RBM19: variants seen among roughly 807,000 people sequenced by gnomAD.
The protein encoded by RBM19 is probable RNA-binding protein 19.
Under a neutral mutation model 116.8 loss-of-function variants are expected in RBM19, and 94 were observed. That is an observed-to-expected ratio of 0.80 (90% CI 0.68 to 0.95). The LOEUF is 0.95. Ranked by LOEUF, RBM19 falls within the 40% of genes least tolerant of loss-of-function variation. The pLI is 0.00. For missense variants in RBM19, 1,161 were observed against 1,220.7 expected (o/e 0.95, Z 0.73); for synonymous variants, 475 against 494.1 (o/e 0.96, Z 0.51).
rs373473247 is a variant in RBM19, at chr12:113,946,460, C to A, written c.1423G>T (p.Val475Leu). The change falls in exon 12 of 24, where the codon GTG (valine) becomes TTG (leucine). Residue 475 changes from valine (V) to leucine (L), a missense_variant. Physicochemically the swap from Val to Leu is conservative, Grantham distance 32. Transcript: ENST00000261741. ...TCCTTCTTGATGGTAGATGGTAACA[C>A]GTGGAGCATCCTGCCCTGGATGGGA... ...GQVFQGRMLH[V>L]LPSTIKKEAS... 4.6e-5 allele frequency: 74 copies of A among 1,614,156 alleles called. No homozygotes were observed. The South Asian group carries it at 7.2e-4, about 16-fold the overall frequency.
At chr12:113,848,770 G>A (rs567184604) in intron 22 of RBM19, among the ~76,000 whole-genome samples, 1 of 152,226 alleles carries the variant, frequency 6.6e-6, no homozygotes, top group Admixed American at 6.5e-5. Flanking sequence ...CTCAGCTGCG[G>A]GCAAGATGCT....
In RBM19 at chr12:113,962,419, G is replaced by T. The variant is rs1872586188; in HGVS notation, c.37-5C>A. 1.2e-6 allele frequency: 2 copies of T among 1,611,888 alleles called. No homozygotes were observed. The highest frequency in any genetic ancestry group is 1.1e-5 in the South Asian group (1 of 91,030). On this transcript the variant is annotated splice_polypyrimidine_tract_variant and splice_region_variant and intron_variant, in intron 1 of 23. Transcript: ENST00000261741. ...CCTGAAACGCTCCTCCTTCATCTAG[G>T]ACAGAGGGAAAGGAATGAGAGACGA...
chr12:113,865,993 G>T (rs1878777177), intron 21 of RBM19, among the ~76,000 whole-genome samples: 1 of 152,194 alleles, frequency 6.6e-6, no homozygotes, highest in Admixed American at 6.5e-5. Context: ...TTTCAGCATG[G>T]TTTGCCCTGC....
At chr12:113,924,125 T>A (rs1868845627) in intron 18 of RBM19, among the ~76,000 whole-genome samples, 1 of 152,164 alleles carries the variant, frequency 6.6e-6, no homozygotes, top group African/African-American at 2.4e-5. Flanking sequence ...GCCAGGAGAC[T>A]CAGAATAGCA....
chr12:113,922,536 G>A (rs551909521), intron 18 of RBM19, among the ~76,000 whole-genome samples: 40 of 152,272 alleles, frequency 2.6e-4, no homozygotes, highest in African/African-American at 8.9e-4. Flanking sequence ...CGCAGTGAGA[G>A]GCAGGGACAG....
chr12:113,962,141 G>C (rs1028325993), intron 2 of RBM19, 91 bp downstream of exon 2: 54 of 1,447,078 alleles, frequency 3.7e-5, no homozygotes, highest in Non-Finnish European at 4.9e-5. Context: ...ACAAAGTGAA[G>C]AGGGACGGTC....
intron 7 of RBM19, among the ~76,000 whole-genome samples, chr12:113,954,066 T>C (rs1346790417): frequency 6.6e-6 from 1 of 152,174 alleles, no homozygotes; most frequent in African/African-American, 2.4e-5. Flanking sequence ...TTACCCTGAG[T>C]AAGGAAGAGC....
intron 23 of RBM19, among the ~76,000 whole-genome samples, chr12:113,827,360 T>C (rs904449559): frequency 3.3e-5 from 5 of 151,432 alleles, no homozygotes; most frequent in African/African-American, 1.2e-4. Context: ...CCAACCACCA[T>C]TTTTGCATTT....
intron 20 of RBM19, among the ~76,000 whole-genome samples, 194 bp downstream of exon 20, chr12:113,918,198 G>A (rs1368369412): frequency 2.0e-5 from 3 of 151,962 alleles, no homozygotes; most frequent in African/African-American, 7.3e-5. Flanking sequence ...CACTGTTGTA[G>A]TTCACTGGGA....
intron 21 of RBM19, among the ~76,000 whole-genome samples, chr12:113,892,015 T>TACTTTAAATAGTAA (rs1224222990): frequency 6.6e-6 from 1 of 152,210 alleles, no homozygotes; most frequent in Non-Finnish European, 1.5e-5. Flanking sequence ...CACCCGTGTC[T>TACTTTAAATAGTAA]ACTTTAAATA....
chr12:113,861,823 T>C (rs761835549), intron 21 of RBM19, among the ~76,000 whole-genome samples: 2 of 152,112 alleles, frequency 1.3e-5, no homozygotes, highest in Non-Finnish European at 2.9e-5. Flanking sequence ...CCAGGGATCG[T>C]AGGCAGGGAT....
intron 23 of RBM19, among the ~76,000 whole-genome samples, chr12:113,829,473 T>C (rs1209956134): frequency 6.6e-6 from 1 of 152,204 alleles, no homozygotes; most frequent in Non-Finnish European, 1.5e-5. Context: ...GCTCTGCTTA[T>C]CTCATGGGGA....
chr12:113,930,306 A>T (rs1438188228), intron 16 of RBM19, among the ~76,000 whole-genome samples: 3 of 152,124 alleles, frequency 2.0e-5, no homozygotes, highest in Non-Finnish European at 4.4e-5. Context: ...TAACCCGGGG[A>T]GCCCAGAACC....
intron 21 of RBM19, among the ~76,000 whole-genome samples, chr12:113,894,849 C>T (rs993831326): frequency 2.6e-5 from 4 of 152,212 alleles, no homozygotes; most frequent in Non-Finnish European, 4.4e-5. Flanking sequence ...CACCCTTGTG[C>T]GACGACACTA....
intron 21 of RBM19, among the ~76,000 whole-genome samples, chr12:113,876,254 C>T (rs1452566624): frequency 2.0e-5 from 3 of 152,108 alleles, no homozygotes; most frequent in African/African-American, 7.2e-5. Flanking sequence ...GGAGTGGCTG[C>T]CACCCACACT....
intron 21 of RBM19, among the ~76,000 whole-genome samples, chr12:113,896,846 T>C (rs996579145): frequency 2.0e-5 from 3 of 152,188 alleles, no homozygotes; most frequent in African/African-American, 7.2e-5. Context: ...CACCAAACAC[T>C]AGGCTGCAGG....
chr12:113,827,334 C>A (rs73393034), intron 23 of RBM19, among the ~76,000 whole-genome samples: 3 of 151,786 alleles, frequency 2.0e-5, no homozygotes, highest in African/African-American at 7.3e-5. Flanking sequence ...AGTCCTGCCC[C>A]CCTCCCCACC....
chr12:113,951,778 C>A (rs371712966), intron 8 of RBM19, among the ~76,000 whole-genome samples: 1 of 152,224 alleles, frequency 6.6e-6, no homozygotes, highest in Non-Finnish European at 1.5e-5. Flanking sequence ...GAGACCATCC[C>A]TCAAGCACAC....
intron 22 of RBM19, among the ~76,000 whole-genome samples, chr12:113,857,592 C>T (rs564376982): frequency 3.4e-4 from 51 of 152,230 alleles, no homozygotes; most frequent in Non-Finnish European, 6.2e-4. Context: ...TGATGAGAGG[C>T]GAGGGAAAGG....
Sources: allele counts gnomAD v4.1 joint callset (sites outside exome capture counted in the v4.1 genomes callset), GRCh38; gene constraint gnomAD v4.1.1; transcripts MANE v1.5; gene names NCBI Gene and HGNC (gene_info 2026-07-23, HGNC 2026-07-21).